Variants in PDE6B observed in about 807,000 individuals in gnomAD.
PDE6B encodes the protein rod cGMP-specific 3',5'-cyclic phosphodiesterase subunit beta.
PDE6B carries 106 observed loss-of-function variants against 109.0 expected under a neutral mutation model. The observed-to-expected ratio is 0.97, with a 90% CI of 0.83 to 1.14. The LOEUF is 1.14. Among genes scored for constraint, PDE6B ranks in the 50% most tolerant of loss-of-function variants. PDE6B has a pLI of 0.00. For missense variants in PDE6B, 1,193 were observed against 1,155.6 expected (o/e 1.03, Z -0.47); for synonymous variants, 490 against 471.3 (o/e 1.04, Z -0.51).
intron 1 of PDE6B, among the ~76,000 whole-genome samples, chr4:634,326 G>T (rs912437199): frequency 6.6e-6 from 1 of 152,186 alleles, no homozygotes. Flanking sequence ...GGGACAAGGC[G>T]AGCAGGCAGG....
chr4:647,039 A>G (rs1347654530), intron 3 of PDE6B, among the ~76,000 whole-genome samples: 3 of 151,684 alleles, frequency 2.0e-5, no homozygotes, highest in Non-Finnish European at 4.4e-5. Context: ...TTGTATTTTT[A>G]GTAGAGATGA....
At position 633,187 on chromosome 4, in the gene PDE6B, G is replaced by A. The variant is rs1177642041; in HGVS notation, c.469-1490G>A. Among the ~76,000 whole-genome samples the A allele has an allele frequency of 6.6e-6, 1 of 152,106 alleles. No individual in the cohort carries two copies. The highest frequency in any genetic ancestry group is 1.9e-4 in the East Asian group (1 of 5,186). ...TCGGGGGACGCAGGTGCAGAGATGAGCCCTCAGGGGTTGCAGGTGGTGAGA... is the reference window on the plus strand; with the variant it reads ...TCGGGGGACGCAGGTGCAGAGATGAACCCTCAGGGGTTGCAGGTGGTGAGA... On this transcript the variant is annotated intron_variant, in intron 1 of 21. Coordinates refer to ENST00000496514, the MANE Select transcript of PDE6B (RefSeq NM_000283.4). This position sits in a 1 kb window ranked among gnomAD's most constrained non-coding sequence, Gnocchi z 4.5.
chr4:628,298 C>G (rs1416648142), intron 1 of PDE6B, among the ~76,000 whole-genome samples: 1 of 152,242 alleles, frequency 6.6e-6, no homozygotes, highest in Non-Finnish European at 1.5e-5. Context: ...ACACCTCAGT[C>G]TGGCCCACTG....
intron 1 of PDE6B, among the ~76,000 whole-genome samples, chr4:632,317 C>A (rs1243814994): frequency 1.4e-5 from 2 of 147,996 alleles, no homozygotes; most frequent in Non-Finnish European, 3.0e-5. Flanking sequence ...TAAGGGTCAT[C>A]TTGTGTGATG....
At chr4:629,223 C>A (rs1560100868) in intron 1 of PDE6B, among the ~76,000 whole-genome samples, 1 of 152,182 alleles carries the variant, frequency 6.6e-6, no homozygotes, top group Non-Finnish European at 1.5e-5. Flanking sequence ...GCATGGCCTT[C>A]CCCATCCCCC....
intron 3 of PDE6B, among the ~76,000 whole-genome samples, chr4:650,178 C>T (rs905347103): frequency 1.2e-4 from 18 of 152,342 alleles, no homozygotes; most frequent in African/African-American, 4.3e-4. Context: ...GGGGACAAGT[C>T]TGGAAAACTC....
intron 3 of PDE6B, among the ~76,000 whole-genome samples, chr4:642,519 C>T (rs1734993347): frequency 6.6e-6 from 1 of 151,806 alleles, no homozygotes; most frequent in Non-Finnish European, 1.5e-5. Context: ...CATCACCCAG[C>T]ATGGTGGCGC....
Position 662,369 on chromosome 4 carries a change from G to A in PDE6B, c.1722+128G>A. The A allele has an allele frequency of 1.2e-6, 1 of 817,708 alleles. No homozygotes were observed. Among genetic ancestry groups the A allele is most frequent in the Non-Finnish European group, 2.1e-6 (1 of 479,866 alleles). 50.7% of individuals were successfully genotyped at this position (817,708 alleles called of 1,614,324 possible). On this transcript the variant is annotated intron_variant, in intron 13 of 21. Transcript: ENST00000496514. The surrounding 1 kb of genome is among the most constrained non-coding windows in gnomAD (Gnocchi z 4.3). ...AGGATGGAGGAGGGCAACGCCCTCT[G>A]ACACCGTGCACCGCGCACCCCAGCC...
Position 648,729 on chromosome 4 carries a change from G to A in PDE6B, c.712-5123G>A, listed in dbSNP as rs1158558985. On this transcript the variant is annotated intron_variant, in intron 3 of 21. Coordinates refer to ENST00000496514, the MANE Select transcript of PDE6B (RefSeq NM_000283.4). The surrounding 1 kb of genome is among the most constrained non-coding windows in gnomAD (Gnocchi z 4.5). ...GACCTGTCACGGCAGCTGCCTGTTC[G>A]GCTTAGTGGAGCAATTCTCACCGCC... Among the ~76,000 whole-genome samples, 2 of 152,246 alleles carry A rather than the reference G, an allele frequency of 1.3e-5. No homozygotes were observed. Among genetic ancestry groups the A allele is most frequent in the Non-Finnish European group, 2.9e-5 (2 of 68,050 alleles).
intron 17 of PDE6B, among the ~76,000 whole-genome samples, chr4:664,558 C>T (rs1468647584): frequency 6.6e-6 from 1 of 152,160 alleles, no homozygotes; most frequent in African/African-American, 2.4e-5. Context: ...AGAAAATACA[C>T]ATAAACCCAG....
At chr4:638,500 T>G (rs1176527316) in intron 3 of PDE6B, among the ~76,000 whole-genome samples, 1 of 152,118 alleles carries the variant, frequency 6.6e-6, no homozygotes, top group East Asian at 1.9e-4. Context: ...TTTTTGTATT[T>G]TTAGTAGAGA....
rs571874178 is a variant in PDE6B, at chr4:659,595, A to G, written c.1467+578A>G. On this transcript the variant is annotated intron_variant, in intron 11 of 21. Coordinates refer to ENST00000496514, the MANE Select transcript of PDE6B (RefSeq NM_000283.4). ...TGGGTGTGTGTGTGCACATGTGGGT[A>G]TGTGTGTGCGTGTGTGCATTGTATG... Among the ~76,000 whole-genome samples, 307 of 145,792 alleles carry G rather than the reference A, an allele frequency of 2.1e-3. 2 individuals are homozygous for G. The highest frequency in any genetic ancestry group is 7.2e-3 in the African/African-American group (272 of 37,932).
At chr4:656,409 G>C in intron 8 of PDE6B, 117 bp downstream of exon 8, 1 of 781,372 alleles carries the variant, frequency 1.3e-6, no homozygotes, top group East Asian at 2.5e-5. Context: ...GCCAGGCATG[G>C]TGGCTCACGC....
chr4:656,254 A>C lies in PDE6B; in HGVS notation c.1069A>C (p.Ile357Leu), dbSNP rs1164089890. 1.9e-6 allele frequency: 3 copies of C among 1,597,444 alleles called. No individual in the cohort carries two copies. The change falls in exon 8 of 22, where the codon ATC (isoleucine) becomes CTC (leucine). Residue 357 changes from isoleucine to leucine, a missense_variant. Ile to Leu is a conservative substitution (Grantham distance 5). Transcript: ENST00000496514. Reference protein sequence around the residue: ...YVAESGFICNIMNASADEMFK... With the variant: ...YVAESGFICNLMNASADEMFK... ...TCTGATGCTTTTTCAGATTTGTAAC[A>C]TCATGAATGCTTCCGCTGACGAAAT...
At chr4:638,942 C>T (rs530553378) in intron 3 of PDE6B, among the ~76,000 whole-genome samples, 1 of 152,296 alleles carries the variant, frequency 6.6e-6, no homozygotes, top group Admixed American at 6.5e-5. Context: ...GCCTACCTGG[C>T]CATCGCTCTG....
rs1340296893 is a variant in PDE6B, at chr4:625,818, G to C, written c.192G>C (p.Gln64His). ...EESTALLELV[Q>H]DMQESINMER... is the part of the protein sequence containing the mutation. Reference sequence around the variant, plus strand: ...GCACGGCGCTGCTGGAGCTGGTGCAGGATATGCAGGAGAGCATCAACATGG... The same window carrying C: ...GCACGGCGCTGCTGGAGCTGGTGCACGATATGCAGGAGAGCATCAACATGG... The change falls in exon 1 of 22, where the codon CAG becomes CAC. Residue 64 changes from glutamine to histidine, a missense_variant. Physicochemically the swap from Gln to His is conservative, Grantham distance 24 (BLOSUM62 0). Transcript: ENST00000496514. The surrounding 1 kb of genome is among the most constrained non-coding windows in gnomAD (Gnocchi z 5.0). 1.9e-6 allele frequency: 3 copies of C among 1,613,178 alleles called. No individual in the cohort carries two copies. Among genetic ancestry groups the C allele is most frequent in the African/African-American group, 2.7e-5 (2 of 75,068 alleles).
chr4:654,275 G>A (rs1413714188), intron 5 of PDE6B, 121 bp downstream of exon 5: 2 of 878,402 alleles, frequency 2.3e-6, no homozygotes, highest in Non-Finnish European at 3.7e-6. Flanking sequence ...TGGCCGGTGG[G>A]ACCCCGGGTG....
intron 11 of PDE6B, among the ~76,000 whole-genome samples, chr4:659,679 TGTGTGTGCAC>T (rs1736827517): frequency 6.6e-6 from 1 of 151,154 alleles, no homozygotes; most frequent in East Asian, 1.9e-4. Context: ...TGTGTGTGCA[TGTGTGTGCAC>T]ATGGGCGTTT....
At chr4:635,809 G>A in intron 2 of PDE6B, 71 bp from the exon 3 acceptor site, 1 of 852,516 alleles carries the variant, frequency 1.2e-6, no homozygotes, top group Non-Finnish European at 2.0e-6. Context: ...TGTTTCTCCT[G>A]CAAAATACCC....
Sources: allele counts gnomAD v4.1 joint callset (sites outside exome capture counted in the v4.1 genomes callset), GRCh38; gene constraint gnomAD v4.1.1; non-coding constraint Gnocchi (gnomAD v3.1); transcripts MANE v1.5; gene names NCBI Gene and HGNC (gene_info 2026-07-23, HGNC 2026-07-21).